RAB38: variants seen among roughly 807,000 people sequenced by gnomAD.
RAB38 encodes the protein RAB38, member RAS oncogene family, also known as ras-related protein Rab-38.
A neutral mutation model predicts 18.4 loss-of-function variants in RAB38; 15 were observed. The observed-to-expected ratio is 0.82, with a 90% CI of 0.55 to 1.26. The LOEUF is 1.26. Among genes scored for constraint, RAB38 ranks in the 50% most tolerant of loss-of-function variants. RAB38 has a pLI of 0.00. For synonymous variants in RAB38, 101 were observed against 104.4 expected (o/e 0.97, Z 0.20); for missense variants, 294 against 267.4 (o/e 1.10, Z -0.69).
chr11:87,854,024 T>C, the RAB38 span, among the ~76,000 whole-genome samples: 1 of 152,194 alleles, frequency 6.6e-6, no homozygotes, highest in Admixed American at 6.5e-5. Flanking sequence ...CGTTCTTCTA[T>C]TGCATCTATC....
chr11:87,864,843 C>T, the RAB38 span, among the ~76,000 whole-genome samples: 2 of 151,642 alleles, frequency 1.3e-5, no homozygotes, highest in Non-Finnish European at 3.0e-5. Flanking sequence ...AACTTAATAT[C>T]GCAGACGAGC....
chr11:88,049,405 G>A, the RAB38 span, among the ~76,000 whole-genome samples: 10 of 151,906 alleles, frequency 6.6e-5, no homozygotes, highest in Non-Finnish European at 1.0e-4. Flanking sequence ...TGGCTCAAAA[G>A]CTCCCCCACT....
At chr11:87,889,882 C>T in the RAB38 span, among the ~76,000 whole-genome samples, 1 of 151,798 alleles carries the variant, frequency 6.6e-6, no homozygotes, top group Admixed American at 6.6e-5. Flanking sequence ...GATACCGTAC[C>T]TCTCCTCTGT....
chr11:87,942,062 C>T, the RAB38 span, among the ~76,000 whole-genome samples: 1 of 152,200 alleles, frequency 6.6e-6, no homozygotes, highest in African/African-American at 2.4e-5. Context: ...CCCAACCTGA[C>T]TGTTGATTTA....
At chr11:87,935,118 T>C in the RAB38 span, among the ~76,000 whole-genome samples, 1 of 148,346 alleles carries the variant, frequency 6.7e-6, no homozygotes, top group African/African-American at 2.6e-5. Flanking sequence ...AAAGCTGTTC[T>C]AGAAGATTTG....
chr11:87,922,697 G>T, the RAB38 span, among the ~76,000 whole-genome samples: 1 of 151,896 alleles, frequency 6.6e-6, no homozygotes, highest in Non-Finnish European at 1.5e-5. Flanking sequence ...AAATGTGGTA[G>T]TTATTTATTT....
At chr11:88,095,048 G>A in the RAB38 span, among the ~76,000 whole-genome samples, 6 of 151,716 alleles carry the variant, frequency 4.0e-5, no homozygotes, top group South Asian at 8.3e-4. Flanking sequence ...CTCACTCAAA[G>A]ACATCACTCC....
At chr11:88,006,025 A>T in the RAB38 span, among the ~76,000 whole-genome samples, 4 of 151,594 alleles carry the variant, frequency 2.6e-5, no homozygotes, top group African/African-American at 9.7e-5. Flanking sequence ...ATATATTTGC[A>T]AACTATACAT....
At chr11:87,953,108 T>C in the RAB38 span, among the ~76,000 whole-genome samples, 1 of 152,224 alleles carries the variant, frequency 6.6e-6, no homozygotes, top group African/African-American at 2.4e-5. Flanking sequence ...TATATTCATC[T>C]AATAAATATT....
At chr11:87,925,345 C>T in the RAB38 span, among the ~76,000 whole-genome samples, 5 of 152,006 alleles carry the variant, frequency 3.3e-5, no homozygotes, top group South Asian at 2.1e-4. Context: ...TATTTTTCTA[C>T]GAATATTTAC....
chr11:88,168,402 T>A (rs1431069197), intron 1 of RAB38, among the ~76,000 whole-genome samples: 1 of 152,208 alleles, frequency 6.6e-6, no homozygotes, highest in South Asian at 2.1e-4. Flanking sequence ...GCCCGCATGA[T>A]GTCTTCTCAT....
the RAB38 span, among the ~76,000 whole-genome samples, chr11:87,827,879 G>C: frequency 6.6e-6 from 1 of 152,092 alleles, no homozygotes; most frequent in Admixed American, 6.6e-5. Flanking sequence ...ATTTCTAGAG[G>C]GAAAAAGATA....
the RAB38 span, among the ~76,000 whole-genome samples, chr11:87,906,427 T>C: frequency 6.6e-6 from 1 of 152,054 alleles, no homozygotes; most frequent in East Asian, 1.9e-4. Flanking sequence ...ATCTTTAAAA[T>C]GGAGATAGAA....
chr11:88,057,354 A>G, the RAB38 span, among the ~76,000 whole-genome samples: 5 of 152,156 alleles, frequency 3.3e-5, no homozygotes, highest in African/African-American at 7.2e-5. Context: ...AGGCAAGAGC[A>G]TGGTTGAAGA....
chr11:87,830,952 A>T, the RAB38 span, among the ~76,000 whole-genome samples: 1 of 151,906 alleles, frequency 6.6e-6, no homozygotes, highest in African/African-American at 2.4e-5. Flanking sequence ...GCATGTGCCA[A>T]TCTGCCTGGC....
intron 2 of RAB38, among the ~76,000 whole-genome samples, chr11:88,137,539 A>G (rs1488760221): frequency 6.6e-6 from 1 of 152,190 alleles, no homozygotes; most frequent in African/African-American, 2.4e-5. Context: ...AAAAATTGCT[A>G]AAGTGCTGAA....
At chr11:88,128,904 C>T (rs1468812802) in intron 2 of RAB38, among the ~76,000 whole-genome samples, 1 of 152,100 alleles carries the variant, frequency 6.6e-6, no homozygotes, top group African/African-American at 2.4e-5. Context: ...TCTACTGGGA[C>T]AACTTGCAGC....
At chr11:88,067,816 G>C in the RAB38 span, among the ~76,000 whole-genome samples, 2 of 151,896 alleles carry the variant, frequency 1.3e-5, no homozygotes, top group African/African-American at 4.8e-5. Context: ...TTAAAATCTA[G>C]ATGATGGGTT....
chr11:87,976,545 T>A, the RAB38 span, among the ~76,000 whole-genome samples: 1 of 127,910 alleles, frequency 7.8e-6, no homozygotes, highest in Non-Finnish European at 1.6e-5. Context: ...ACATTTATAT[T>A]TTATATATAC....
Sources: gnomAD v4.1 joint callset for allele counts (sites outside exome capture counted in the v4.1 genomes callset) on GRCh38, gnomAD v4.1.1 for gene constraint, MANE v1.5 for transcripts, NCBI Gene and HGNC (gene_info 2026-07-23, HGNC 2026-07-21) for gene names.